The following DISP1 variants were observed in gnomAD, a reference collection of about 807,000 sequenced individuals.
The protein encoded by DISP1 is protein dispatched homolog 1.
DISP1 carries 30 observed loss-of-function variants against 37.3 expected under a neutral mutation model. The observed-to-expected ratio is 0.80, with a 90% CI of 0.60 to 1.09. DISP1 has a LOEUF of 1.09. DISP1 is among the 50% of genes least tolerant of loss of function. DISP1 has a pLI of 0.00. For missense variants in DISP1, 1,598 were observed against 1,879.5 expected (o/e 0.85, Z 2.77); for synonymous variants, 634 against 690.2 (o/e 0.92, Z 1.28).
At chr1:222,955,963 A>G (rs1257423859) in intron 3 of DISP1, among the ~76,000 whole-genome samples, 1 of 152,228 alleles carries the variant, frequency 6.6e-6, no homozygotes, top group Non-Finnish European at 1.5e-5. Context: ...TGAATGGTAC[A>G]GGGTTGTAAT....
At chr1:222,904,233 C>T (rs965319401) in intron 1 of DISP1, among the ~76,000 whole-genome samples, 2 of 152,092 alleles carry the variant, frequency 1.3e-5, no homozygotes, top group African/African-American at 4.8e-5. Context: ...AAAATTAAAA[C>T]GTAATCTCCA....
At chr1:222,909,737 G>C (rs1672108271) in intron 1 of DISP1, among the ~76,000 whole-genome samples, 1 of 152,162 alleles carries the variant, frequency 6.6e-6, no homozygotes, top group African/African-American at 2.4e-5. Context: ...ACCAGAAATA[G>C]AAAGTGATAA....
chr1:223,000,735 A>G (rs1679379380), intron 8 of DISP1, among the ~76,000 whole-genome samples: 1 of 152,162 alleles, frequency 6.6e-6, no homozygotes. Flanking sequence ...TGATAAACAG[A>G]GTTCAGGGAT....
intron 3 of DISP1, among the ~76,000 whole-genome samples, chr1:222,966,843 A>G (rs909210914): frequency 2.0e-5 from 3 of 151,378 alleles, no homozygotes; most frequent in African/African-American, 7.4e-5. Flanking sequence ...TAAAAGAATG[A>G]TGTAAGGGAT....
intron 1 of DISP1, among the ~76,000 whole-genome samples, chr1:222,885,232 A>G (rs1670523105): frequency 6.6e-6 from 1 of 152,210 alleles, no homozygotes; most frequent in South Asian, 2.1e-4. Context: ...TTATGTAAGT[A>G]TGGCCTCATG....
At chr1:222,923,998 C>T (rs751768252) in intron 1 of DISP1, among the ~76,000 whole-genome samples, 2 of 152,006 alleles carry the variant, frequency 1.3e-5, no homozygotes, top group Non-Finnish European at 2.9e-5. Flanking sequence ...ATATGTCAGA[C>T]TATGGAAGAC....
chr1:222,835,679 C>T (rs1415116474), intron 1 of DISP1, among the ~76,000 whole-genome samples: 2 of 152,022 alleles, frequency 1.3e-5, no homozygotes, highest in African/African-American at 2.4e-5. Flanking sequence ...TGGCTGGATG[C>T]GGTGGCTCAC....
In DISP1 at chr1:223,003,253, T is replaced by C; in HGVS notation, c.1856T>C (p.Phe619Ser). Residue 619 changes from phenylalanine to serine, a missense_variant, in exon 9 of 9, where the codon TTT becomes TCT. Coordinates refer to ENST00000675850, the MANE Select transcript of DISP1 (RefSeq NM_001377229.1). The surrounding 1 kb of genome is among the most constrained non-coding windows in gnomAD (Gnocchi z 4.3). ...ACCAGTTTTACCACTGCTGCTGCCT[T>C]TTATGCTAACTATGTTAGCAACATT... ...FVTSFTTAAA[F>S]YANYVSNITA... is the part of the protein sequence containing the mutation. 6.2e-7 allele frequency: 1 copy of C among 1,614,222 alleles called. No homozygotes were observed. Among genetic ancestry groups the C allele is most frequent in the African/African-American group, 1.3e-5 (1 of 75,064 alleles).
chr1:222,845,029 G>A (rs1667823858), intron 1 of DISP1, among the ~76,000 whole-genome samples: 1 of 152,064 alleles, frequency 6.6e-6, no homozygotes, highest in African/African-American at 2.4e-5. Flanking sequence ...TATATTTCAG[G>A]AAAATTGCTC....
At chr1:222,976,348 C>T (rs1182608298) in intron 3 of DISP1, among the ~76,000 whole-genome samples, 1 of 151,996 alleles carries the variant, frequency 6.6e-6, no homozygotes, top group East Asian at 1.9e-4. Flanking sequence ...GTAGTGGACT[C>T]CCTGGCTAGC....
At chr1:222,940,435 C>G (rs771546371) in intron 2 of DISP1, among the ~76,000 whole-genome samples, 1 of 152,136 alleles carries the variant, frequency 6.6e-6, no homozygotes, top group East Asian at 1.9e-4. Context: ...CCTCCCACCA[C>G]GCCCCACCTC....
chr1:222,942,457 A>G (rs1156871825), intron 2 of DISP1, among the ~76,000 whole-genome samples: 2 of 152,078 alleles, frequency 1.3e-5, no homozygotes, highest in African/African-American at 2.4e-5. Context: ...AAGCTAAAGG[A>G]TGCTATTTGT....
intron 1 of DISP1, among the ~76,000 whole-genome samples, chr1:222,910,847 C>A (rs1478405709): frequency 6.6e-6 from 1 of 152,100 alleles, no homozygotes; most frequent in Admixed American, 6.5e-5. Context: ...GAGCAAATTG[C>A]ATTTAGGTAG....
chr1:222,936,667 AGG>A (rs57175433), intron 2 of DISP1, among the ~76,000 whole-genome samples: 69 of 79,706 alleles, frequency 8.7e-4, no homozygotes, highest in African/African-American at 3.1e-3. Context: ...CATATATATG[AGG>A]TATATATAAT....
chr1:222,815,309 C>T (rs1232812449), intron 1 of DISP1: 1 of 152,842 alleles, frequency 6.5e-6, no homozygotes, highest in Non-Finnish European at 1.5e-5. Flanking sequence ...GAGGGAGGCA[C>T]CGGGGACCCT....
intron 1 of DISP1, among the ~76,000 whole-genome samples, chr1:222,862,254 A>G (rs1668918638): frequency 6.6e-6 from 1 of 152,136 alleles, no homozygotes; most frequent in South Asian, 2.1e-4. Flanking sequence ...AATCCCATAT[A>G]TTGTTAACCC....
chr1:222,830,134 A>G (rs957509655), intron 1 of DISP1, among the ~76,000 whole-genome samples: 8 of 152,200 alleles, frequency 5.3e-5, no homozygotes, highest in African/African-American at 1.9e-4. Flanking sequence ...TAAGTGGGTC[A>G]TGTGATTTGG....
At chr1:222,987,124 A>G (rs1319810383) in intron 4 of DISP1, among the ~76,000 whole-genome samples, 1 of 151,858 alleles carries the variant, frequency 6.6e-6, no homozygotes, top group African/African-American at 2.4e-5. Flanking sequence ...AATTTCCTTT[A>G]CTTCTCCAAT....
chr1:222,897,539 G>A (rs144668122), intron 1 of DISP1, among the ~76,000 whole-genome samples: 54 of 152,194 alleles, frequency 3.5e-4, no homozygotes, highest in African/African-American at 1.3e-3. Flanking sequence ...AATATTGTTA[G>A]CATATAGTTT....
Sources: gnomAD v4.1 joint callset for allele counts (sites outside exome capture counted in the v4.1 genomes callset) on GRCh38, gnomAD v4.1.1 for gene constraint, Gnocchi (gnomAD v3.1) non-coding constraint, MANE v1.5 for transcripts, NCBI Gene and HGNC (gene_info 2026-07-23, HGNC 2026-07-21) for gene names.